The following WDR35 variants were observed in gnomAD, a reference collection of about 807,000 sequenced individuals.
WDR35 encodes WD repeat domain 35.
Under a neutral mutation model 158.3 loss-of-function variants are expected in WDR35, and 118 were observed. The observed-to-expected ratio is 0.75, with a 90% CI of 0.64 to 0.87. The LOEUF (loss-of-function observed/expected upper bound fraction) is 0.87, where lower values mean the gene tolerates loss of function less well. Among genes scored for constraint, WDR35 ranks in the 40% least tolerant of loss-of-function variants. WDR35 has a pLI of 0.00. For missense variants in WDR35, 1,263 were observed against 1,405.8 expected, an observed-to-expected ratio of 0.90 and a Z score of 1.62; for synonymous variants, 448 against 476.1, an observed-to-expected ratio of 0.94 and a Z score of 0.77.
intron 2 of WDR35, among the ~76,000 whole-genome samples, chr2:19,988,904 T>C (rs1427577915): frequency 6.6e-6 from 1 of 152,218 alleles, no homozygotes; most frequent in African/African-American, 2.4e-5. Context: ...TAATTAGACA[T>C]AGCATAACAC....
intron 11 of WDR35, among the ~76,000 whole-genome samples, chr2:19,959,463 A>G (rs1397278408): frequency 6.6e-6 from 1 of 152,024 alleles, no homozygotes; most frequent in Non-Finnish European, 1.5e-5. Flanking sequence ...AAGGAACACT[A>G]ATGTGTATAT....
chr2:19,937,819 T>C lies in WDR35; in HGVS notation c.2191A>G (p.Met731Val), dbSNP rs138638551. The change falls in exon 19 of 27, where the codon ATG becomes GTG. Residue 731 changes from methionine (M) to valine (V), a missense_variant. By Grantham distance (21) the Met-to-Val change is conservative. Coordinates refer to ENST00000281405, the MANE Select transcript of WDR35 (RefSeq NM_020779.4). The part of the protein sequence containing the change: ...KRLGKLLSES[M>V]KQAEVVGYFG... ...TAGCCAACAACTTCAGCCTGTTTCA[T>C]TGACTCACTCAGTAGTTTGCCCAAG... The C allele has an allele frequency of 4.3e-5, 69 of 1,614,044 alleles. 1 individual carries two copies. Among genetic ancestry groups the C allele is most frequent in the South Asian group, 2.1e-4 (19 of 91,084 alleles).
intron 14 of WDR35, among the ~76,000 whole-genome samples, 166 bp from the exon 15 acceptor site, chr2:19,946,736 A>G (rs150375150): frequency 2.8e-3 from 429 of 152,260 alleles, no homozygotes; most frequent in African/African-American, 9.4e-3. Context: ...TTTACCTACT[A>G]ATTTAATTAA....
chr2:19,931,881 T>C (rs1030598846), intron 23 of WDR35, among the ~76,000 whole-genome samples: 2 of 152,178 alleles, frequency 1.3e-5, no homozygotes, highest in Admixed American at 1.3e-4. Context: ...AAAATGTGTA[T>C]ACATTAATAC....
At chr2:19,932,257 A>ACT in intron 23 of WDR35, 26 bp downstream of exon 23, 1 of 1,612,654 alleles carries the variant, frequency 6.2e-7, no homozygotes, top group Non-Finnish European at 8.5e-7. Context: ...GAACAAATCA[A>ACT]CTATTCACCA....
rs1671761748 is a variant in WDR35, at chr2:19,964,245, T to G, written c.1194+2479A>C. ...ATGTGTCTCAATGTGGAAATGTTTT[T>G]ATTCACTGAGCTAGGCACTTCCAAT... On this transcript the variant is annotated intron_variant, in intron 10 of 26. Transcript: ENST00000281405. Among the ~76,000 whole-genome samples, 3 of 152,316 alleles carry G rather than the reference T, an allele frequency of 2.0e-5. No homozygotes were observed. The South Asian group carries it at 6.2e-4, about 32-fold the overall frequency.
At chr2:19,917,513 T>C (rs959601123) in intron 25 of WDR35, among the ~76,000 whole-genome samples, 1 of 152,184 alleles carries the variant, frequency 6.6e-6, no homozygotes, top group African/African-American at 2.4e-5. Flanking sequence ...GTTAGACGAA[T>C]TGCTAACTAG....
rs757829449 is a variant in WDR35 at position 19,960,590 on chromosome 2, T to C, written c.1219A>G (p.Ile407Val). The change falls in exon 11 of 27, where the codon ATT becomes GTT. Residue 407 changes from isoleucine (I) to valine (V), a missense_variant. Transcript: ENST00000281405. ...PQFVLVLCNSIGTPLDPKYID... is the reference protein window; with the variant it reads ...PQFVLVLCNSVGTPLDPKYID... ...TATTTGGGATCCAAGGGTGTACCAA[T>C]AGAATTACAAAGAACTAGTACAAAC... The C allele has an allele frequency of 1.6e-5, 26 of 1,608,958 alleles. No homozygotes were observed. The highest frequency in any genetic ancestry group is 3.3e-4 in the Middle Eastern group (2 of 6,070).
chr2:19,951,551 A>G (rs1671236518), intron 12 of WDR35, 67 bp from the exon 13 acceptor site: 1 of 1,272,850 alleles, frequency 7.9e-7, no homozygotes, highest in Non-Finnish European at 1.1e-6. Flanking sequence ...AATCTCTAGA[A>G]TAAACGATTG....
At chr2:19,978,158 C>T (rs887594165) in intron 5 of WDR35, among the ~76,000 whole-genome samples, 6 of 151,792 alleles carry the variant, frequency 4.0e-5, no homozygotes, top group African/African-American at 1.5e-4. Flanking sequence ...CTCTCAGAAA[C>T]ATTTGTTGAC....
At chr2:19,929,755 C>T (rs1297249177) in intron 25 of WDR35, among the ~76,000 whole-genome samples, 1 of 152,066 alleles carries the variant, frequency 6.6e-6, no homozygotes, top group Non-Finnish European at 1.5e-5. Flanking sequence ...CATGTAGAAA[C>T]ATCTAAAAGG....
chr2:19,913,953 T>C (rs1669913703), intron 26 of WDR35, 84 bp downstream of exon 26: 1 of 1,589,938 alleles, frequency 6.3e-7, no homozygotes, highest in Non-Finnish European at 8.6e-7. Context: ...TTCAGTGCTT[T>C]AATTCCTACA....
At chr2:19,982,586 TA>T in intron 2 of WDR35, 52 bp from the exon 3 acceptor site, 1 of 1,574,076 alleles carries the variant, frequency 6.4e-7, no homozygotes, top group Non-Finnish European at 8.7e-7. Flanking sequence ...AGTGACATAT[TA>T]TAAGATTTTG....
At chr2:19,984,599 C>T (rs544352022) in intron 2 of WDR35, among the ~76,000 whole-genome samples, 4 of 152,098 alleles carry the variant, frequency 2.6e-5, no homozygotes, top group South Asian at 2.1e-4. Context: ...TCCAACAATC[C>T]GAAGTACATC....
intron 16 of WDR35, among the ~76,000 whole-genome samples, chr2:19,942,523 T>G (rs1370922681): frequency 6.9e-6 from 1 of 145,960 alleles, no homozygotes; most frequent in East Asian, 1.9e-4. Flanking sequence ...CCTAGATCCT[T>G]GTATAAACAT....
chr2:19,949,274 G>A (rs1671158351), intron 13 of WDR35, among the ~76,000 whole-genome samples: 1 of 152,224 alleles, frequency 6.6e-6, no homozygotes, highest in Non-Finnish European at 1.5e-5. Flanking sequence ...ATACTGGGAA[G>A]TGGGCCAGGA....
At chr2:19,948,105 AC>A in intron 14 of WDR35, 58 bp downstream of exon 14, 3 of 1,401,038 alleles carry the variant, frequency 2.1e-6, no homozygotes, top group Non-Finnish European at 3.0e-6. Flanking sequence ...CCTGGCTCCT[AC>A]CATATTTTTA....
intron 25 of WDR35, among the ~76,000 whole-genome samples, chr2:19,928,395 T>C (rs1670422282): frequency 6.6e-6 from 1 of 152,214 alleles, no homozygotes; most frequent in Non-Finnish European, 1.5e-5. Flanking sequence ...GGCTCTCAGC[T>C]CTGAAGGTTG....
In WDR35 at chr2:19,933,413, T is replaced by C. The variant is rs1437417342; in HGVS notation, c.2646A>G (p.Val882=). ...SQPKAAVDTC[V]HLNQWNKAVE... is the part of the protein sequence containing the mutation. Reference sequence around the variant, plus strand: ...TTTCAGTTCCTACTTGGTTGAGATGTACGCAGGTATCTACTGCTGCCTTTG... The same window carrying C: ...TTTCAGTTCCTACTTGGTTGAGATGCACGCAGGTATCTACTGCTGCCTTTG... Residue 882 remains valine (V), a synonymous_variant, in exon 22 of 27, where the codon GTA becomes GTG. Coordinates refer to ENST00000281405, the MANE Select transcript of WDR35 (RefSeq NM_020779.4). The C allele has an allele frequency of 6.2e-7, 1 of 1,613,414 alleles. No homozygotes were observed. Among genetic ancestry groups the C allele is most frequent in the Admixed American group, 1.7e-5 (1 of 59,994 alleles).
Sources: allele counts gnomAD v4.1 joint callset (sites outside exome capture counted in the v4.1 genomes callset), GRCh38; gene constraint gnomAD v4.1.1; transcripts MANE v1.5; gene names NCBI Gene and HGNC (gene_info 2026-07-23, HGNC 2026-07-21).